Variants in SLC9A9 observed in about 807,000 individuals in gnomAD.
SLC9A9 encodes solute carrier family 9 member A9, also known as sodium/hydrogen exchanger 9.
In SLC9A9, 62 loss-of-function variants were observed where a neutral mutation model predicts 77.8. That is an observed-to-expected ratio of 0.80 (90% CI 0.65 to 0.98). SLC9A9 has a LOEUF of 0.98. Among genes scored for constraint, SLC9A9 ranks in the 50% least tolerant of loss-of-function variants. SLC9A9 has a pLI of 0.00. For synonymous variants in SLC9A9, 320 were observed against 283.5 expected, an observed-to-expected ratio of 1.13 and a Z score of -1.29; for missense variants, 775 against 774.9, an observed-to-expected ratio of 1.00 and a Z score of 0.00.
intron 4 of SLC9A9, among the ~76,000 whole-genome samples, chr3:143,736,042 G>A (rs961447096): frequency 9.9e-5 from 15 of 152,138 alleles, no homozygotes; most frequent in African/African-American, 1.9e-4. Flanking sequence ...TATAGTTAAC[G>A]GAAAATGCTT....
At chr3:143,611,993 G>A (rs2038029841) in intron 6 of SLC9A9, among the ~76,000 whole-genome samples, 4 of 152,138 alleles carry the variant, frequency 2.6e-5, no homozygotes, top group Admixed American at 2.6e-4. Context: ...CAAAGTGTTG[G>A]GATTACAGAC....
At chr3:143,496,041 G>A (rs1317744659) in intron 9 of SLC9A9, among the ~76,000 whole-genome samples, 1 of 152,078 alleles carries the variant, frequency 6.6e-6, no homozygotes, top group Admixed American at 6.5e-5. Flanking sequence ...ACTGATGTAG[G>A]TATATCCATT....
rs969687979 is a variant in SLC9A9, at chr3:143,386,345, C to T, written c.1470-4231G>A. 3.3e-5 allele frequency among the ~76,000 whole-genome samples: 5 copies of T among 152,186 alleles called. No individual in the cohort carries two copies. In the East Asian group the frequency reaches 9.6e-4, roughly 29 times the overall value. ...CTGGAATCTGATGACTTCATGATTA[C>T]CCTGTAGTTGTTCAAGGGTCAGTGA... On this transcript the variant is annotated intron_variant, in intron 12 of 15. Transcript: ENST00000316549.
chr3:143,408,394 C>A (rs1192535987), intron 12 of SLC9A9, among the ~76,000 whole-genome samples: 2 of 152,150 alleles, frequency 1.3e-5, no homozygotes, highest in African/African-American at 4.8e-5. Context: ...TGATGATGAG[C>A]AGGACAACTC....
intron 13 of SLC9A9, among the ~76,000 whole-genome samples, chr3:143,370,455 C>A (rs2033025896): frequency 6.6e-6 from 1 of 152,084 alleles, no homozygotes; most frequent in South Asian, 2.1e-4. Context: ...AAGTTCACAG[C>A]ATCTCACTGT....
At chr3:143,531,747 T>TA (rs1254412011) in intron 9 of SLC9A9, among the ~76,000 whole-genome samples, 3 of 152,198 alleles carry the variant, frequency 2.0e-5, no homozygotes, top group Non-Finnish European at 4.4e-5. Flanking sequence ...TTTAAAAAGC[T>TA]AAAAACAAAA....
rs567787564 is a variant in SLC9A9 at position 143,706,033 on chromosome 3, A to C, written c.534-12726T>G. Among the ~76,000 whole-genome samples, 5 of 152,332 alleles carry C rather than the reference A, an allele frequency of 3.3e-5. No individual in the cohort carries two copies. The East Asian group carries it at 9.6e-4, about 29-fold the overall frequency. ...ACTTAAGAAAGGCTTTGAGAGGAAC[A>C]CAGCGTATTTACTGAATTTTAAAAA... On this transcript the variant is annotated intron_variant, in intron 4 of 15. Transcript: ENST00000316549.
intron 4 of SLC9A9, among the ~76,000 whole-genome samples, chr3:143,772,709 G>A (rs2007566131): frequency 6.6e-6 from 1 of 152,212 alleles, no homozygotes. Context: ...TAAGCTGAGT[G>A]GTTGCCCCAA....
chr3:143,400,878 G>A (rs1286186740), intron 12 of SLC9A9, among the ~76,000 whole-genome samples: 1 of 152,094 alleles, frequency 6.6e-6, no homozygotes. Context: ...ATGAGCCCGA[G>A]AGTGAGTGCT....
intron 8 of SLC9A9, among the ~76,000 whole-genome samples, chr3:143,552,669 G>T (rs536200110): frequency 3.9e-5 from 6 of 152,276 alleles, no homozygotes; most frequent in African/African-American, 1.4e-4. Context: ...TTAAGAAGTA[G>T]ATTCTAAATA....
intron 6 of SLC9A9, among the ~76,000 whole-genome samples, chr3:143,585,156 C>G (rs2037520916): frequency 6.6e-6 from 1 of 152,188 alleles, no homozygotes; most frequent in South Asian, 2.1e-4. Flanking sequence ...CTATACACTT[C>G]CAGCCTATTT....
At position 143,654,446 on chromosome 3, in the gene SLC9A9, C is replaced by T. The variant is rs144551520; in HGVS notation, c.650-2086G>A. ...ATGGCAGAGATCTGCTTTTTACTAG[C>T]ATGCAGCTGTTAACATTTGCCACAA... On this transcript the variant is annotated intron_variant, in intron 5 of 15. Transcript: ENST00000316549. Among the ~76,000 whole-genome samples, 726 of 152,296 alleles carry T rather than the reference C, an allele frequency of 4.8e-3. 9 individuals carry two copies. The highest frequency in any genetic ancestry group is 0.017 in the African/African-American group (702 of 41,568).
rs923270048 is a variant in SLC9A9 at position 143,461,932 on chromosome 3, A to G, written c.1469+5105T>C. Among the ~76,000 whole-genome samples the G allele has an allele frequency of 3.9e-5, 6 of 152,226 alleles. 1 individual carries two copies. The South Asian group carries it at 8.3e-4, about 21-fold the overall frequency. On this transcript the variant is annotated intron_variant, in intron 12 of 15. Coordinates refer to ENST00000316549, the MANE Select transcript of SLC9A9 (RefSeq NM_173653.4). The stretch of plus-strand genomic sequence containing the variant: ...AAGACTTAAAGATATTACTAAGGAC[A>G]GTTCTCTTTTTATCTTTGTATACAT...
chr3:143,571,564 T>C (rs2037258266), intron 8 of SLC9A9, among the ~76,000 whole-genome samples: 1 of 152,084 alleles, frequency 6.6e-6, no homozygotes, highest in Admixed American at 6.5e-5. Flanking sequence ...TATAGATGCA[T>C]GTGATAAATT....
At chr3:143,528,899 T>C (rs893330477) in intron 9 of SLC9A9, among the ~76,000 whole-genome samples, 4 of 152,186 alleles carry the variant, frequency 2.6e-5, no homozygotes, top group African/African-American at 9.7e-5. Context: ...TTTACTTTGA[T>C]TGATCTTCAT....
intron 11 of SLC9A9, among the ~76,000 whole-genome samples, chr3:143,468,236 A>G (rs1347942227): frequency 1.3e-5 from 2 of 152,246 alleles, no homozygotes; most frequent in Non-Finnish European, 1.5e-5. Flanking sequence ...GGTTTTTAAG[A>G]AATCACTCAA....
At chr3:143,311,015 G>A (rs2030998922) in intron 14 of SLC9A9, among the ~76,000 whole-genome samples, 1 of 152,182 alleles carries the variant, frequency 6.6e-6, no homozygotes, top group East Asian at 1.9e-4. Context: ...GGTTGCAAAA[G>A]GGAAGAACTC....
chr3:143,561,454 T>C (rs115254992), intron 8 of SLC9A9, among the ~76,000 whole-genome samples: 2 of 151,330 alleles, frequency 1.3e-5, no homozygotes, highest in Non-Finnish European at 2.9e-5. Flanking sequence ...CCAAGAAAAA[T>C]GAAAAAGTAG....
At chr3:143,460,734 C>A (rs1003498282) in intron 12 of SLC9A9, among the ~76,000 whole-genome samples, 1 of 152,080 alleles carries the variant, frequency 6.6e-6, no homozygotes, top group South Asian at 2.1e-4. Flanking sequence ...TATTAAAGAA[C>A]CCAGATGGCA....
Sources: allele counts gnomAD v4.1 joint callset (sites outside exome capture counted in the v4.1 genomes callset), GRCh38; gene constraint gnomAD v4.1.1; transcripts MANE v1.5; gene names NCBI Gene and HGNC (gene_info 2026-07-23, HGNC 2026-07-21).